Variants in PCDHA8 observed in about 807,000 individuals in gnomAD.
PCDHA8 encodes protocadherin alpha 8.
Under a neutral mutation model 61.8 loss-of-function variants are expected in PCDHA8, and 53 were observed. The observed-to-expected ratio is 0.86, with a 90% CI of 0.69 to 1.08. The LOEUF is 1.08. PCDHA8 is among the 50% of genes least tolerant of loss of function. The probability of loss-of-function intolerance (pLI) is 0.00; values close to 1 mark genes in which losing one functional copy is unlikely to be tolerated. For synonymous variants in PCDHA8, 618 were observed against 556.6 expected (o/e 1.11, Z -1.55); for missense variants, 1,293 against 1,245.0 (o/e 1.04, Z -0.58).
At position 140,841,633 on chromosome 5, in the gene PCDHA8, C is replaced by T; in HGVS notation, c.312C>T (p.Ile104=). Reference sequence around the variant, plus strand: ...GCGGGCGGAGCGCGGAGTGCAGCATCCACCTGGAGGTGATCGTGGACAGGC... The same window carrying T: ...GCGGGCGGAGCGCGGAGTGCAGCATTCACCTGGAGGTGATCGTGGACAGGC... ...ELCGRSAECS[I]HLEVIVDRPL... Residue 104 remains isoleucine, a synonymous_variant, in exon 1 of 4, where the codon ATC becomes ATT. Transcript: ENST00000531613. 1 of 1,614,144 alleles carries T rather than the reference C, an allele frequency of 6.2e-7. No individual in the cohort carries two copies. The highest frequency in any genetic ancestry group is 8.5e-7 in the Non-Finnish European group (1 of 1,180,012).
In PCDHA8 at chr5:140,867,382, C is replaced by T. The variant is rs1201158672; in HGVS notation, c.2394+23667C>T. ...TTTTACAGATGCGTAATGGAATTAA[C>T]GGTTATAAAAGTTGATATGTCTCCT... On this transcript the variant is annotated intron_variant, in intron 1 of 3. Coordinates refer to ENST00000531613, the MANE Select transcript of PCDHA8 (RefSeq NM_018911.3). The T allele has an allele frequency of 4.6e-5, 7 of 152,006 alleles. No individual in the cohort carries two copies. In the East Asian group the frequency reaches 7.7e-4, roughly 17 times the overall value. 9.4% of individuals were successfully genotyped at this position (152,006 alleles called of 1,614,324 possible).
intron 3 of PCDHA8, among the ~76,000 whole-genome samples, chr5:140,993,365 A>G (rs1207264244): frequency 1.3e-5 from 2 of 151,422 alleles, no homozygotes; most frequent in Admixed American, 6.6e-5. Flanking sequence ...CACAAAAACT[A>G]CCTCCCAGCC....
chr5:140,941,996 A>G (rs951664999), intron 1 of PCDHA8, among the ~76,000 whole-genome samples: 1 of 152,220 alleles, frequency 6.6e-6, no homozygotes, highest in Non-Finnish European at 1.5e-5. Flanking sequence ...AGGGATTCAT[A>G]TCTCTTATTA....
chr5:140,877,112 G>T (rs782384853), intron 1 of PCDHA8: 18 of 1,613,552 alleles, frequency 1.1e-5, no homozygotes, highest in African/African-American at 4.0e-5. Context: ...CCTCTGGGCA[G>T]CAACGTGACG....
Position 140,843,512 on chromosome 5 carries a change from G to T in PCDHA8, c.2191G>T (p.Gly731Trp), listed in dbSNP as rs2150361484. The T allele has an allele frequency of 6.3e-6, 10 of 1,595,848 alleles. 1 individual carries two copies. Among genetic ancestry groups the T allele is most frequent in the Non-Finnish European group, 8.6e-6 (10 of 1,165,572 alleles). Residue 731 changes from glycine to tryptophan, a missense_variant, in exon 1 of 4, where the codon GGG becomes TGG. By Grantham distance (184) the Gly-to-Trp change is radical. Coordinates refer to ENST00000531613, the MANE Select transcript of PCDHA8 (RefSeq NM_018911.3). ...LRCSALPTEG[G>W]CRAGKPTLVC... is the part of the protein sequence containing the mutation. ...GTGCTCAGCACTGCCCACTGAGGGC[G>T]GGTGCCGGGCGGGCAAGCCCACTCT...
chr5:141,001,114 A>G (rs1456437716), intron 3 of PCDHA8, among the ~76,000 whole-genome samples: 4 of 152,062 alleles, frequency 2.6e-5, no homozygotes, highest in Non-Finnish European at 4.4e-5. Flanking sequence ...TAAGCAATCA[A>G]TAGTCCTTAA....
intron 1 of PCDHA8, among the ~76,000 whole-genome samples, chr5:140,915,929 C>A (rs1554197194): frequency 1.3e-5 from 2 of 152,144 alleles, no homozygotes; most frequent in African/African-American, 4.8e-5. Context: ...ACTTGGGAGT[C>A]AGGGATTGGA....
intron 1 of PCDHA8, chr5:140,869,342 A>G (rs782505088): frequency 1.2e-6 from 2 of 1,614,050 alleles, no homozygotes; most frequent in Admixed American, 3.3e-5. Flanking sequence ...GTAAATCTGC[A>G]GAATGGCATT....
rs1554262487 is a variant in PCDHA8, at chr5:141,009,847, G to T, written c.2763G>T (p.Glu921Asp). ...TCATAACCTTCGGCAAAAAGGAGGA[G>T]ACCAAGAAAAAGAAGAAAAAGAAGA... ...SDFITFGKKE[E>D]TKKKKKKKKG... Residue 921 changes from glutamate (E) to aspartate (D), a missense_variant, in exon 4 of 4, where the codon GAG (glutamate) becomes GAT (aspartate). Glu to Asp is a conservative substitution (Grantham distance 45). Coordinates refer to ENST00000531613, the MANE Select transcript of PCDHA8 (RefSeq NM_018911.3). 1 of 1,613,870 alleles carries T rather than the reference G, an allele frequency of 6.2e-7. No homozygotes were observed. Among genetic ancestry groups the T allele is most frequent in the Non-Finnish European group, 8.5e-7 (1 of 1,180,010 alleles).
chr5:140,889,417 A>G (rs2062219100), intron 1 of PCDHA8, among the ~76,000 whole-genome samples: 1 of 152,040 alleles, frequency 6.6e-6, no homozygotes. Context: ...TCAGTTACGT[A>G]GATAATATTT....
intron 1 of PCDHA8, among the ~76,000 whole-genome samples, chr5:140,890,753 C>A (rs1274674281): frequency 3.3e-5 from 5 of 152,114 alleles, no homozygotes; most frequent in Admixed American, 2.6e-4. Flanking sequence ...TTCTGTCATG[C>A]TTTAAAAATA....
At chr5:140,901,761 A>G (rs1276192436) in intron 1 of PCDHA8, among the ~76,000 whole-genome samples, 1 of 152,124 alleles carries the variant, frequency 6.6e-6, no homozygotes, top group African/African-American at 2.4e-5. Flanking sequence ...TTTGACAGGG[A>G]TTGCATTGAA....
chr5:140,966,928 C>T (rs782034487), intron 1 of PCDHA8: 1 of 1,603,332 alleles, frequency 6.2e-7, no homozygotes, highest in South Asian at 1.1e-5. Context: ...AGCAGGCACC[C>T]GGCGCGCTCG....
intron 1 of PCDHA8, among the ~76,000 whole-genome samples, chr5:140,932,087 A>G (rs1262295013): frequency 6.6e-6 from 1 of 151,918 alleles, no homozygotes; most frequent in African/African-American, 2.4e-5. Flanking sequence ...TCAGGAAAAC[A>G]TGGTTTTTAT....
At chr5:140,848,419 T>C in intron 1 of PCDHA8, 1 of 1,412,874 alleles carries the variant, frequency 7.1e-7, no homozygotes, top group Non-Finnish European at 9.7e-7. Context: ...CACAGCAGAA[T>C]GGGACTGACG....
At chr5:140,870,508 C>T in intron 1 of PCDHA8, 1 of 1,614,244 alleles carries the variant, frequency 6.2e-7, no homozygotes, top group Non-Finnish European at 8.5e-7. Flanking sequence ...GAACAACCCA[C>T]CAGGCTGCCA....
chr5:140,910,708 A>G (rs1227801513), intron 1 of PCDHA8, among the ~76,000 whole-genome samples: 2 of 152,164 alleles, frequency 1.3e-5, no homozygotes, highest in African/African-American at 4.8e-5. Context: ...ACAGTGGGCC[A>G]TCTTTTAATC....
chr5:140,978,457 C>G (rs1223652568), intron 1 of PCDHA8, among the ~76,000 whole-genome samples: 1 of 152,182 alleles, frequency 6.6e-6, no homozygotes, highest in Non-Finnish European at 1.5e-5. Context: ...GCACATCCGC[C>G]CTGGGTCAAA....
chr5:140,997,995 T>C (rs573319923), intron 3 of PCDHA8, among the ~76,000 whole-genome samples: 1 of 152,304 alleles, frequency 6.6e-6, no homozygotes, highest in East Asian at 1.9e-4. Flanking sequence ...CATACTTCCC[T>C]CTGAGCCTTC....
Sources: gnomAD v4.1 joint callset for allele counts (sites outside exome capture counted in the v4.1 genomes callset) on GRCh38, gnomAD v4.1.1 for gene constraint, MANE v1.5 for transcripts, NCBI Gene and HGNC (gene_info 2026-07-23, HGNC 2026-07-21) for gene names.